ITPR1: variants seen among roughly 807,000 people sequenced by gnomAD.
ITPR1 encodes inositol 1,4,5-trisphosphate receptor type 1, also known as inositol 1,4,5-trisphosphate-gated calcium channel ITPR1.
A neutral mutation model predicts 318.4 loss-of-function variants in ITPR1; 96 were observed. The ratio of observed to expected loss-of-function variants is 0.30; its 90% CI spans 0.26 to 0.36. The LOEUF is 0.36. Ranked by LOEUF, ITPR1 falls within the 10% of genes least tolerant of loss-of-function variation. The pLI, the probability that ITPR1 is intolerant of heterozygous loss-of-function variation, is 1.00. For synonymous variants in ITPR1, 1,312 were observed against 1,289.9 expected (o/e 1.02, Z -0.37); for missense variants, 2,440 against 3,460.2 (o/e 0.71, Z 7.40).
chr3:4,577,051 T>C (rs1015478464), intron 4 of ITPR1, among the ~76,000 whole-genome samples: 3 of 152,212 alleles, frequency 2.0e-5, no homozygotes, highest in African/African-American at 7.2e-5. Flanking sequence ...AAGGTGTCAG[T>C]TGTAGAACAA....
intron 56 of ITPR1, among the ~76,000 whole-genome samples, chr3:4,812,074 C>G (rs1459492274): frequency 6.8e-6 from 1 of 147,324 alleles, no homozygotes; most frequent in Non-Finnish European, 1.5e-5. Flanking sequence ...GGATCTCACT[C>G]TGTCTCCCAG....
At position 4,710,008 on chromosome 3, in the gene ITPR1, T is replaced by C. The variant is rs917971119; in HGVS notation, c.4843-317T>C. 6.6e-6 allele frequency among the ~76,000 whole-genome samples: 1 copy of C among 152,242 alleles called. No individual in the cohort carries two copies. ...CTTTGTTATGCCCATGTCATAGACA[T>C]CTTTCCATGTTGTTAAATTGATTTT... On this transcript the variant is annotated intron_variant, in intron 37 of 61. Coordinates refer to ENST00000649015, the MANE Select transcript of ITPR1 (RefSeq NM_001378452.1). The surrounding 1 kb of genome is among the most constrained non-coding windows in gnomAD (Gnocchi z 4.2).
chr3:4,573,089 C>T (rs1279747191), intron 4 of ITPR1, among the ~76,000 whole-genome samples: 2 of 152,074 alleles, frequency 1.3e-5, no homozygotes, highest in Admixed American at 6.5e-5. Context: ...CTTTTAATTT[C>T]TTTGGCTATA....
chr3:4,593,364 T>C (rs898545644), intron 4 of ITPR1, among the ~76,000 whole-genome samples: 6 of 152,346 alleles, frequency 3.9e-5, no homozygotes, highest in African/African-American at 1.4e-4. Context: ...TAAAACTTTA[T>C]GCTGTCATTT....
intron 4 of ITPR1, among the ~76,000 whole-genome samples, chr3:4,588,946 C>G (rs2090154355): frequency 6.6e-6 from 1 of 152,206 alleles, no homozygotes; most frequent in Non-Finnish European, 1.5e-5. Context: ...ACCACCTAGT[C>G]TACAGCCCTC....
intron 10 of ITPR1, 77 bp from the exon 11 acceptor site, chr3:4,652,046 G>A: frequency 9.0e-7 from 1 of 1,115,320 alleles, no homozygotes; most frequent in Admixed American, 2.0e-5. Context: ...CCTGAACTAT[G>A]ACTTGTGATA....
chr3:4,796,474 C>T (rs1406912095), intron 53 of ITPR1, among the ~76,000 whole-genome samples: 5 of 152,138 alleles, frequency 3.3e-5, no homozygotes, highest in South Asian at 2.1e-4. Context: ...CTGGCGGCGG[C>T]GGAGGAGGCC....
chr3:4,651,738 C>T lies in ITPR1; in HGVS notation c.856-385C>T, dbSNP rs150615594. Among the ~76,000 whole-genome samples the T allele has an allele frequency of 2.0e-3, 297 of 152,294 alleles. 1 individual carries two copies. The highest frequency in any genetic ancestry group is 4.2e-3 in the Admixed American group (65 of 15,296). On this transcript the variant is annotated intron_variant, in intron 10 of 61. Coordinates refer to ENST00000649015, the MANE Select transcript of ITPR1 (RefSeq NM_001378452.1). ...TTTCACATTTCAGAGCACAGGCCTG[C>T]GTGTGTGTTCTAGCACATGAGTACA...
intron 46 of ITPR1, among the ~76,000 whole-genome samples, chr3:4,773,651 T>G (rs2046319834): frequency 6.6e-6 from 1 of 152,184 alleles, no homozygotes; most frequent in Admixed American, 6.5e-5. Flanking sequence ...TCTCCAGAGT[T>G]GTCCCAAACA....
At chr3:4,757,128 G>C (rs2045059564) in intron 44 of ITPR1, among the ~76,000 whole-genome samples, 1 of 152,158 alleles carries the variant, frequency 6.6e-6, no homozygotes, top group South Asian at 2.1e-4. Flanking sequence ...CAAAATGTAG[G>C]TTTCCCGAGT....
At chr3:4,615,984 T>A (rs1260819723) in intron 4 of ITPR1, among the ~76,000 whole-genome samples, 1 of 152,194 alleles carries the variant, frequency 6.6e-6, no homozygotes, top group Non-Finnish European at 1.5e-5. Flanking sequence ...GGTCTATGTT[T>A]TTTGCAGATG....
intron 33 of ITPR1, 64 bp downstream of exon 33, chr3:4,693,805 C>CCA: frequency 6.6e-7 from 1 of 1,525,880 alleles, no homozygotes; most frequent in Non-Finnish European, 8.9e-7. Flanking sequence ...TCGTGGCTCA[C>CCA]TGGGAGACAT....
intron 4 of ITPR1, among the ~76,000 whole-genome samples, chr3:4,595,659 G>A (rs913650383): frequency 6.6e-6 from 1 of 152,046 alleles, no homozygotes; most frequent in Admixed American, 6.6e-5. Context: ...AGCAGAGAGT[G>A]AACAGGCCTA....
intron 45 of ITPR1, among the ~76,000 whole-genome samples, 151 bp downstream of exon 45, chr3:4,766,861 C>T (rs1245533776): frequency 2.0e-5 from 3 of 152,186 alleles, no homozygotes; most frequent in Admixed American, 2.0e-4. Flanking sequence ...GTAATTCTTC[C>T]TCAGTGACCT....
In ITPR1 at chr3:4,710,199, C is replaced by T. The variant is rs187543816; in HGVS notation, c.4843-126C>T. 179 of 778,746 alleles carry T rather than the reference C, an allele frequency of 2.3e-4. No homozygotes were observed. The Admixed American group carries it at 3.2e-3, about 14-fold the overall frequency. The allele number at this position is 778,746 out of a possible 1,614,324, so 48.2% of individuals were successfully genotyped here. The stretch of plus-strand genomic sequence containing the variant: ...ATGTCTAATAATTTGAGATGCCAGA[C>T]GGTACTAAAGTTACTCTAACCTAGC... On this transcript the variant is annotated intron_variant, in intron 37 of 61. Coordinates refer to ENST00000649015, the MANE Select transcript of ITPR1 (RefSeq NM_001378452.1). The surrounding 1 kb of genome is among the most constrained non-coding windows in gnomAD (Gnocchi z 4.2).
chr3:4,795,081 C>G lies in ITPR1; in HGVS notation c.6825C>G (p.Tyr2275Ter). The change falls in exon 53 of 62, where the codon TAC becomes TAG. Residue 2275 changes from tyrosine (Y) to a stop codon, truncating the protein, a stop_gained. Coordinates refer to ENST00000649015, the MANE Select transcript of ITPR1 (RefSeq NM_001378452.1). LOFTEE classifies it high-confidence loss of function. ...TCTCTGCAGCCCAGCCCGTGTTGTA[C>G]TGGTGTGCCCGCAACATGTCTTTCT... Reference protein sequence around the residue: ...QKKLRAQPVLYWCARNMSFWS... With the variant: ...QKKLRAQPVL 6.2e-7 allele frequency: 1 copy of G among 1,613,352 alleles called. No individual in the cohort carries two copies. Among genetic ancestry groups the G allele is most frequent in the Non-Finnish European group, 8.5e-7 (1 of 1,179,526 alleles).
At chr3:4,635,141 G>C (rs2093145249) in intron 5 of ITPR1, among the ~76,000 whole-genome samples, 1 of 152,214 alleles carries the variant, frequency 6.6e-6, no homozygotes, top group African/African-American at 2.4e-5. Flanking sequence ...GGTAGGGAGT[G>C]ATATTCAGGA....
chr3:4,514,535 T>C (rs1316580210), intron 2 of ITPR1, among the ~76,000 whole-genome samples: 4 of 152,170 alleles, frequency 2.6e-5, no homozygotes. Flanking sequence ...AGGCATTTTC[T>C]GGCCTAGTCT....
At chr3:4,584,812 G>GGAGT (rs2089719175) in intron 4 of ITPR1, among the ~76,000 whole-genome samples, 1 of 152,146 alleles carries the variant, frequency 6.6e-6, no homozygotes, top group Admixed American at 6.5e-5. Flanking sequence ...GTTCATTTCT[G>GGAGT]GAGTGTAGGT....
Sources: gnomAD v4.1 joint callset for allele counts (sites outside exome capture counted in the v4.1 genomes callset) on GRCh38, gnomAD v4.1.1 for gene constraint, Gnocchi (gnomAD v3.1) non-coding constraint, MANE v1.5 for transcripts, NCBI Gene and HGNC (gene_info 2026-07-23, HGNC 2026-07-21) for gene names.